The following ZFHX3 variants were observed in gnomAD, a reference collection of about 807,000 sequenced individuals.
ZFHX3 encodes the protein zinc finger homeobox 3, also known as zinc finger homeobox protein 3.
A neutral mutation model predicts 279.1 loss-of-function variants in ZFHX3; 42 were observed. The ratio of observed to expected loss-of-function variants is 0.15; its 90% CI spans 0.12 to 0.19. The LOEUF (loss-of-function observed/expected upper bound fraction) is 0.19, where lower values mean the gene tolerates loss of function less well. ZFHX3 is among the 10% of genes least tolerant of loss of function. The pLI, the probability that ZFHX3 is intolerant of heterozygous loss-of-function variation, is 1.00. For synonymous variants in ZFHX3, 2,293 were observed against 1,957.8 expected, an observed-to-expected ratio of 1.17 and a Z score of -4.52; for missense variants, 4,981 against 4,754.0, an observed-to-expected ratio of 1.05 and a Z score of -1.40.
chr16:73,057,203 A>T (rs1250123241), intron 1 of ZFHX3, among the ~76,000 whole-genome samples: 1 of 152,246 alleles, frequency 6.6e-6, no homozygotes, highest in Non-Finnish European at 1.5e-5. Context: ...TGCCTTTTGA[A>T]AGCGCTTGTA....
At chr16:73,267,076 T>A (rs921242618) in intron 4 of ZFHX3, among the ~76,000 whole-genome samples, 1 of 152,196 alleles carries the variant, frequency 6.6e-6, no homozygotes, top group Non-Finnish European at 1.5e-5. Flanking sequence ...AAGCATGACC[T>A]GTGGTTTGAT....
intron 1 of ZFHX3, among the ~76,000 whole-genome samples, chr16:73,843,313 C>T (rs1277366808): frequency 6.6e-6 from 1 of 152,124 alleles, no homozygotes; most frequent in Non-Finnish European, 1.5e-5. Context: ...GCTGAAAAGC[C>T]CCAAGTTGCT....
chr16:73,438,061 T>C (rs925406946), intron 3 of ZFHX3, among the ~76,000 whole-genome samples: 1 of 151,798 alleles, frequency 6.6e-6, no homozygotes, highest in Non-Finnish European at 1.5e-5. Flanking sequence ...GTCAAGTGGT[T>C]CTGGGATCGC....
intron 3 of ZFHX3, among the ~76,000 whole-genome samples, chr16:72,907,116 C>T (rs188427502): frequency 0.013 from 2,015 of 152,278 alleles, 22 homozygotes; most frequent in Non-Finnish European, 0.021. Flanking sequence ...GCCTGCTCTG[C>T]TAGCCTTAAT....
chr16:73,802,609 G>T (rs936236860), intron 1 of ZFHX3, among the ~76,000 whole-genome samples: 3 of 152,170 alleles, frequency 2.0e-5, no homozygotes, highest in African/African-American at 7.2e-5. Flanking sequence ...CCTGGGGTAA[G>T]TGACAGTACT....
At chr16:73,342,200 A>G (rs2016044576) in intron 3 of ZFHX3, among the ~76,000 whole-genome samples, 1 of 152,204 alleles carries the variant, frequency 6.6e-6, no homozygotes, top group Non-Finnish European at 1.5e-5. Context: ...AGGCCTTTTC[A>G]TAACTTGTTA....
At chr16:72,916,479 C>T (rs1387724443) in intron 3 of ZFHX3, among the ~76,000 whole-genome samples, 1 of 152,200 alleles carries the variant, frequency 6.6e-6, no homozygotes, top group Non-Finnish European at 1.5e-5. Flanking sequence ...AAGATGTGAA[C>T]AGAGACAGAA....
intron 2 of ZFHX3, among the ~76,000 whole-genome samples, chr16:73,588,761 G>T (rs944324353): frequency 6.7e-6 from 1 of 148,854 alleles, no homozygotes; most frequent in African/African-American, 2.5e-5. Context: ...ACACCCCCAA[G>T]GACATGCAAT....
Position 73,791,590 on chromosome 16 carries a change from A to G in ZFHX3, c.-1608+100061T>C, listed in dbSNP as rs549322026. On this transcript the variant is annotated intron_variant, in intron 1 of 17. Coordinates refer to the ZFHX3 transcript ENST00000641206. ...CAGGCGCACACCACCATGCCCAGCT[A>G]ATTTTTTGTATTTTAATAGAGATGG... 6.6e-5 allele frequency among the ~76,000 whole-genome samples: 10 copies of G among 151,996 alleles called. 1 individual carries two copies. In the East Asian group the frequency reaches 1.7e-3, roughly 27 times the overall value.
At chr16:73,025,533 A>C (rs1964466643) in intron 1 of ZFHX3, among the ~76,000 whole-genome samples, 1 of 152,172 alleles carries the variant, frequency 6.6e-6, no homozygotes, top group Non-Finnish European at 1.5e-5. Context: ...AGGGTCCTCT[A>C]ATGCCTACAC....
chr16:73,182,942 C>T (rs1239688301), intron 5 of ZFHX3, among the ~76,000 whole-genome samples: 1 of 152,144 alleles, frequency 6.6e-6, no homozygotes, highest in South Asian at 2.1e-4. Flanking sequence ...TGGTGGCTCA[C>T]GCCTGTAATC....
chr16:73,378,163 A>T (rs2016757564), intron 3 of ZFHX3, among the ~76,000 whole-genome samples: 1 of 151,364 alleles, frequency 6.6e-6, no homozygotes, highest in South Asian at 2.1e-4. Flanking sequence ...AGCATGGTCC[A>T]CATTTCTTTC....
At chr16:73,127,656 G>C (rs1966594689) in intron 7 of ZFHX3, 1 of 1,223,314 alleles carries the variant, frequency 8.2e-7, no homozygotes, top group Admixed American at 3.2e-5. Flanking sequence ...AACAGTTGCT[G>C]ATTAATTAGT....
At chr16:73,886,758 G>T (rs1233007176) in intron 1 of ZFHX3, among the ~76,000 whole-genome samples, 1 of 152,194 alleles carries the variant, frequency 6.6e-6, no homozygotes, top group African/African-American at 2.4e-5. Flanking sequence ...AAATCAGGGA[G>T]ATGTATGGGG....
chr16:72,873,518 A>G (rs1379058567), intron 4 of ZFHX3, among the ~76,000 whole-genome samples: 1 of 152,180 alleles, frequency 6.6e-6, no homozygotes, highest in Non-Finnish European at 1.5e-5. Context: ...TCATCATTCC[A>G]TTATCACTAC....
intron 2 of ZFHX3, among the ~76,000 whole-genome samples, chr16:73,458,690 C>T (rs776569307): frequency 6.6e-6 from 1 of 152,142 alleles, no homozygotes; most frequent in Non-Finnish European, 1.5e-5. Context: ...GTCACCTCTC[C>T]CTACCCCAGG....
Position 72,785,969 on chromosome 16 carries a change from ATTCT to A in ZFHX3, c.*1191_*1194del, listed in dbSNP as rs1446807388. ...CTAATGACCCCTAGAATCCCTTGAAATTCTTTCTTTAGTTTTATAAAATAATTCT... is the reference window on the plus strand; with the variant it reads ...CTAATGACCCCTAGAATCCCTTGAAATTCTTTAGTTTTATAAAATAATTCT... On this transcript the variant is annotated 3_prime_UTR_variant, in exon 10 of 10. Coordinates refer to ENST00000268489, the MANE Select transcript of ZFHX3 (RefSeq NM_006885.4). The A allele has an allele frequency of 2.0e-5, 3 of 152,236 alleles. No homozygotes were observed. The highest frequency in any genetic ancestry group is 2.1e-4 in the South Asian group (1 of 4,836). 9.4% of individuals were successfully genotyped at this position (152,236 alleles called of 1,614,324 possible). A position where few individuals can be genotyped will look rare whatever the true frequency, so the allele number is the denominator to read the frequency against.
At chr16:73,563,664 C>T (rs79230211) in intron 2 of ZFHX3, among the ~76,000 whole-genome samples, 10,655 of 152,246 alleles carry the variant, frequency 0.07, 487 homozygotes, top group South Asian at 0.095. Flanking sequence ...CCTATCCTCC[C>T]ACCCTCCACA....
intron 4 of ZFHX3, among the ~76,000 whole-genome samples, chr16:72,887,357 CA>C (rs1356673522): frequency 6.6e-6 from 1 of 152,098 alleles, no homozygotes; most frequent in African/African-American, 2.4e-5. Flanking sequence ...CCAGAGAAAA[CA>C]ATAAGTTGTA....
Sources: gnomAD v4.1 joint callset for allele counts (sites outside exome capture counted in the v4.1 genomes callset) on GRCh38, gnomAD v4.1.1 for gene constraint, MANE v1.5 for transcripts, NCBI Gene and HGNC (gene_info 2026-07-23, HGNC 2026-07-21) for gene names.